The following COLEC10 variants were observed in gnomAD, a reference collection of about 807,000 sequenced individuals.
COLEC10 encodes collectin-10.
A neutral mutation model predicts 28.4 loss-of-function variants in COLEC10; 22 were observed. That is an observed-to-expected ratio of 0.78 (90% CI 0.55 to 1.11). The LOEUF is 1.11. Among genes scored for constraint, COLEC10 ranks in the 50% least tolerant of loss-of-function variants. The pLI is 0.00. For synonymous variants in COLEC10, 125 were observed against 116.1 expected, an observed-to-expected ratio of 1.08 and a Z score of -0.49; for missense variants, 361 against 344.1, an observed-to-expected ratio of 1.05 and a Z score of -0.39.
At chr8:118,965,140 A>G in the COLEC10 span, among the ~76,000 whole-genome samples, 1 of 152,206 alleles carries the variant, frequency 6.6e-6, no homozygotes, top group Non-Finnish European at 1.5e-5. Flanking sequence ...AAGAAGTGCA[A>G]TGACTATTCT....
intron 2 of COLEC10, among the ~76,000 whole-genome samples, chr8:119,010,320 C>T (rs1813881761): frequency 6.6e-6 from 1 of 150,760 alleles, no homozygotes; most frequent in Non-Finnish European, 1.5e-5. Context: ...TAGTTTCCTC[C>T]ATGTCTTTTA....
intron 3 of COLEC10, among the ~76,000 whole-genome samples, chr8:119,101,565 A>G (rs927831418): frequency 1.3e-5 from 2 of 152,228 alleles, no homozygotes; most frequent in Admixed American, 6.5e-5. Flanking sequence ...AGAAGTACAG[A>G]GAGGGAAAGT....
chr8:119,061,083 C>T (rs1009116044), intron 2 of COLEC10, among the ~76,000 whole-genome samples: 10 of 151,808 alleles, frequency 6.6e-5, no homozygotes, highest in African/African-American at 1.2e-4. Flanking sequence ...AATAAACATT[C>T]GTTGAATGAA....
chr8:118,981,074 G>T, the COLEC10 span, among the ~76,000 whole-genome samples: 2,369 of 151,902 alleles, frequency 0.016, 63 homozygotes, highest in African/African-American at 0.054. Flanking sequence ...ACAGGGTCTT[G>T]TTAGTTGGAG....
At chr8:119,080,770 G>A (rs527656682) in intron 1 of COLEC10, among the ~76,000 whole-genome samples, 7 of 151,936 alleles carry the variant, frequency 4.6e-5, no homozygotes, top group South Asian at 2.1e-4. Flanking sequence ...CTTCTCCCCC[G>A]TAGACATCAT....
intron 2 of COLEC10, among the ~76,000 whole-genome samples, chr8:119,045,380 T>C (rs762427423): frequency 1.3e-5 from 2 of 152,238 alleles, no homozygotes; most frequent in Non-Finnish European, 2.9e-5. Flanking sequence ...ATTGGCTGAA[T>C]GTGGCTTTCT....
At chr8:119,008,631 G>A (rs549465722) in intron 1 of COLEC10, among the ~76,000 whole-genome samples, 22 of 150,590 alleles carry the variant, frequency 1.5e-4, no homozygotes, top group South Asian at 4.2e-4. Flanking sequence ...TCATGACCCT[G>A]GTGGGTCCCT....
In COLEC10 at chr8:119,060,519, C is replaced by T. The variant is rs553953428; in HGVS notation, n.236-29161C>T. ...TGAGTACAAGACTGAGATTTTAACC[C>T]GTGGACATCTAGGGATATCAGCCAT... On this transcript the variant is annotated intron_variant and non_coding_transcript_variant, in intron 2 of 6. Coordinates refer to the COLEC10 transcript ENST00000521788. Among the ~76,000 whole-genome samples, 9 of 152,150 alleles carry T rather than the reference C, an allele frequency of 5.9e-5. No homozygotes were observed. In the South Asian group the frequency reaches 1.7e-3, roughly 28 times the overall value.
At chr8:118,969,744 G>A in the COLEC10 span, among the ~76,000 whole-genome samples, 4 of 147,452 alleles carry the variant, frequency 2.7e-5, no homozygotes, top group South Asian at 8.5e-4. Flanking sequence ...CTTCATTTAT[G>A]CAAGTTGGAT....
intron 2 of COLEC10, among the ~76,000 whole-genome samples, chr8:119,014,929 A>G (rs923068706): frequency 1.3e-5 from 2 of 150,926 alleles, no homozygotes; most frequent in Non-Finnish European, 2.9e-5. Flanking sequence ...TCTTTCTTAG[A>G]ATTTCCATCT....
rs574502791 is a variant in COLEC10, at chr8:119,023,772, A to G, written n.235+14219A>G. 5.3e-5 allele frequency among the ~76,000 whole-genome samples: 8 copies of G among 152,294 alleles called. No individual in the cohort carries two copies. The East Asian group carries it at 1.5e-3, about 29-fold the overall frequency. On this transcript the variant is annotated intron_variant and non_coding_transcript_variant, in intron 2 of 6. Coordinates refer to the COLEC10 transcript ENST00000521788. Reference sequence around the variant, plus strand: ...TTTTCAATCAACTTATTTGCTGACAATGCATTCTATGAAAGCTACAATTGT... The same window carrying G: ...TTTTCAATCAACTTATTTGCTGACAGTGCATTCTATGAAAGCTACAATTGT...
chr8:119,076,535 T>C (rs1033619153), intron 1 of COLEC10, among the ~76,000 whole-genome samples: 3 of 152,178 alleles, frequency 2.0e-5, no homozygotes, highest in Non-Finnish European at 4.4e-5. Flanking sequence ...AGTTTTGGGA[T>C]TACAGGCGTG....
At chr8:119,037,267 A>G (rs1814406728) in intron 2 of COLEC10, among the ~76,000 whole-genome samples, 1 of 152,224 alleles carries the variant, frequency 6.6e-6, no homozygotes, top group South Asian at 2.1e-4. Context: ...GCTGTCTGAT[A>G]TGAAGGACCA....
intron 2 of COLEC10, among the ~76,000 whole-genome samples, chr8:119,028,024 G>C (rs7004459): frequency 0.6 from 91,249 of 151,948 alleles, 28,109 homozygotes; most frequent in African/African-American, 0.74. Flanking sequence ...GGATCTGTGT[G>C]AGGATTAAAT....
chr8:119,045,075 A>G (rs1041166938), intron 2 of COLEC10, among the ~76,000 whole-genome samples: 2 of 152,224 alleles, frequency 1.3e-5, no homozygotes, highest in African/African-American at 2.4e-5. Context: ...TGTATTACCT[A>G]TTAATCCACT....
At chr8:119,059,498 A>G (rs941079354) in intron 2 of COLEC10, among the ~76,000 whole-genome samples, 1 of 152,088 alleles carries the variant, frequency 6.6e-6, no homozygotes, top group African/African-American at 2.4e-5. Flanking sequence ...CTCTGTTAAC[A>G]ATCAATGAAC....
chr8:119,076,415 C>A (rs977704794), intron 1 of COLEC10, among the ~76,000 whole-genome samples: 5 of 151,976 alleles, frequency 3.3e-5, no homozygotes, highest in African/African-American at 9.7e-5. Context: ...ACACCTGCCA[C>A]CACATCCAGC....
chr8:119,081,787 G>C (rs1815375366), intron 1 of COLEC10, among the ~76,000 whole-genome samples: 1 of 152,146 alleles, frequency 6.6e-6, no homozygotes, highest in African/African-American at 2.4e-5. Flanking sequence ...TAATTACTTT[G>C]AAGTGGCCTA....
intron 2 of COLEC10, among the ~76,000 whole-genome samples, chr8:119,009,951 G>A (rs1315904783): frequency 2.0e-5 from 3 of 150,576 alleles, no homozygotes; most frequent in Non-Finnish European, 2.9e-5. Flanking sequence ...CACATCCCAT[G>A]CACAGTCTCT....
Sources: gnomAD v4.1 joint callset for allele counts (sites outside exome capture counted in the v4.1 genomes callset) on GRCh38, gnomAD v4.1.1 for gene constraint, MANE v1.5 for transcripts, NCBI Gene and HGNC (gene_info 2026-07-23, HGNC 2026-07-21) for gene names.